Variants in MELTF observed in about 807,000 individuals in gnomAD.
The protein encoded by MELTF is antigen p97 (melanoma associated) identified by monoclonal antibodies 133.2 and 96.5.
MELTF carries 67 observed loss-of-function variants against 83.7 expected under a neutral mutation model. That is an observed-to-expected ratio of 0.80 (90% CI 0.66 to 0.98). MELTF has a LOEUF of 0.98. Ranked by LOEUF, MELTF falls within the 50% of genes least tolerant of loss-of-function variation. The probability of loss-of-function intolerance (pLI) is 0.00; values close to 1 mark genes in which losing one functional copy is unlikely to be tolerated. For synonymous variants in MELTF, 462 were observed against 447.6 expected, an observed-to-expected ratio of 1.03 and a Z score of -0.41; for missense variants, 1,002 against 1,035.6, an observed-to-expected ratio of 0.97 and a Z score of 0.44.
At chr3:197,015,068 C>T (rs1416336675) in intron 9 of MELTF, among the ~76,000 whole-genome samples, 1 of 152,234 alleles carries the variant, frequency 6.6e-6, no homozygotes, top group Non-Finnish European at 1.5e-5. Flanking sequence ...GCCAGCGCTT[C>T]TTCTGCTCCT....
At chr3:197,018,708 G>A (rs1273982682) in intron 6 of MELTF, among the ~76,000 whole-genome samples, 1 of 152,194 alleles carries the variant, frequency 6.6e-6, no homozygotes, top group Non-Finnish European at 1.5e-5. Flanking sequence ...GCCTCCCAAA[G>A]TGCTGGGATT....
intron 4 of MELTF, among the ~76,000 whole-genome samples, 159 bp from the exon 5 acceptor site, chr3:197,023,272 C>T (rs974642290): frequency 2.6e-5 from 4 of 152,208 alleles, no homozygotes; most frequent in African/African-American, 4.8e-5. Flanking sequence ...TGGACCCGAT[C>T]AGTGACCCCC....
chr3:197,015,103 C>G lies in MELTF; in HGVS notation c.1233+262G>C, dbSNP rs574403923. ...TGGCACCCCCACTTAGTGAGGAGCT[C>G]CCAGGCTCTCCAGGGGACTCACCCC... On this transcript the variant is annotated intron_variant, in intron 9 of 15. Coordinates refer to ENST00000296350, the MANE Select transcript of MELTF (RefSeq NM_005929.6). Among the ~76,000 whole-genome samples, 257 of 152,312 alleles carry G rather than the reference C, an allele frequency of 1.7e-3. 1 individual carries two copies. Among genetic ancestry groups the G allele is most frequent in the Non-Finnish European group, 2.4e-3 (166 of 68,014 alleles).
chr3:197,025,577 G>C (rs190816519), intron 3 of MELTF: 1 of 144,756 alleles, frequency 6.9e-6, no homozygotes, highest in Non-Finnish European at 1.6e-5. Context: ...TCTGCTCTGT[G>C]GGGGCAGGAA....
In MELTF at chr3:197,007,375, G is replaced by A. The variant is rs1286264837; in HGVS notation, c.1751-639C>T. The stretch of plus-strand genomic sequence containing the variant: ...CTGCCCTCAGGAATCACATTTTCAT[G>A]TCTCTGTGCATTCACTTAGTATCCA... On this transcript the variant is annotated intron_variant, in intron 13 of 15. Coordinates refer to ENST00000296350, the MANE Select transcript of MELTF (RefSeq NM_005929.6). The surrounding 1 kb of genome is among the most constrained non-coding windows in gnomAD (Gnocchi z 4.3). Among the ~76,000 whole-genome samples the A allele has an allele frequency of 6.6e-6, 1 of 152,232 alleles. No homozygotes were observed. Among genetic ancestry groups the A allele is most frequent in the Non-Finnish European group, 1.5e-5 (1 of 68,046 alleles).
chr3:197,016,515 C>G, intron 7 of MELTF, 146 bp from the exon 8 acceptor site: 1 of 664,548 alleles, frequency 1.5e-6, no homozygotes, highest in Non-Finnish European at 2.5e-6. Flanking sequence ...TCTTCTGCGG[C>G]GCCTCCCCTG....
At position 197,016,373 on chromosome 3, in the gene MELTF, T is replaced by C; in HGVS notation, c.901-4A>G. 6.3e-7 allele frequency: 1 copy of C among 1,579,252 alleles called. No individual in the cohort carries two copies. The highest frequency in any genetic ancestry group is 1.2e-5 in the South Asian group (1 of 84,644). On this transcript the variant is annotated splice_region_variant and splice_polypyrimidine_tract_variant and intron_variant, in intron 7 of 15. Transcript: ENST00000296350. ...TGCCCTCGTGGCTGAACAGACGCTGTGTGTCAAGGGGTGTGGTACAGGGTG... is the reference window on the plus strand; with the variant it reads ...TGCCCTCGTGGCTGAACAGACGCTGCGTGTCAAGGGGTGTGGTACAGGGTG...
chr3:197,021,092 A>G (rs1719605672), intron 6 of MELTF, among the ~76,000 whole-genome samples: 1 of 152,248 alleles, frequency 6.6e-6, no homozygotes, highest in African/African-American at 2.4e-5. Context: ...TGCTTAAAAA[A>G]TCAGACCCTC....
chr3:197,015,284 A>G, intron 9 of MELTF, 81 bp downstream of exon 9: 1 of 1,415,230 alleles, frequency 7.1e-7, no homozygotes, highest in Non-Finnish European at 9.6e-7. Context: ...CCCAGGCAGC[A>G]GGGGGTGTGG....
chr3:197,016,098 C>T (rs902341411), intron 8 of MELTF, 91 bp downstream of exon 8: 39 of 1,179,034 alleles, frequency 3.3e-5, no homozygotes, highest in African/African-American at 1.9e-4. Flanking sequence ...CCCTGGTGAG[C>T]GTCTTCCCCC....
chr3:197,003,339 G>A lies in MELTF; in HGVS notation c.*33C>T, dbSNP rs1338940822. ...AAGCCGCCGCGGAAACTCCCCGGGC[G>A]GGCATCGGAGCTCTGGGGCGGGGCG... On this transcript the variant is annotated 3_prime_UTR_variant, in exon 16 of 16. Coordinates refer to ENST00000296350, the MANE Select transcript of MELTF (RefSeq NM_005929.6). This position sits in a 1 kb window ranked among gnomAD's most constrained non-coding sequence, Gnocchi z 6.2. The A allele has an allele frequency of 2.8e-6, 3 of 1,063,470 alleles. No individual in the cohort carries two copies. The highest frequency in any genetic ancestry group is 4.4e-5 in the South Asian group (1 of 22,808). The allele number at this position is 1,063,470 out of a possible 1,614,324, so 65.9% of individuals were successfully genotyped here. A position where few individuals can be genotyped will look rare whatever the true frequency, so the allele number is the denominator to read the frequency against.
Position 197,015,331 on chromosome 3 carries a change from C to G in MELTF, c.1233+34G>C, listed in dbSNP as rs572023685. On this transcript the variant is annotated intron_variant, in intron 9 of 15. Coordinates refer to ENST00000296350, the MANE Select transcript of MELTF (RefSeq NM_005929.6). ...TGCCCAGGCACTGCCACCACCCGCC[C>G]ACCTGGCCCACGCTGCACCTGCGTG... 5.4e-5 allele frequency: 83 copies of G among 1,535,742 alleles called. No homozygotes were observed. The South Asian group carries it at 9.4e-4, about 17-fold the overall frequency.
rs1039343423 is a variant in MELTF, at chr3:197,024,247, G to A, written c.487+56C>T. ...CTACCCAGTGAAGGGACGAGCATGG[G>A]CCAAGGAAAGGAGGGGGAGGCCTGG... On this transcript the variant is annotated intron_variant, in intron 4 of 15. Coordinates refer to ENST00000296350, the MANE Select transcript of MELTF (RefSeq NM_005929.6). The surrounding 1 kb of genome is among the most constrained non-coding windows in gnomAD (Gnocchi z 5.3). 1.1e-5 allele frequency: 16 copies of A among 1,500,666 alleles called. No individual in the cohort carries two copies. The highest frequency in any genetic ancestry group is 7.9e-5 in the South Asian group (6 of 76,166). The allele number at this position is 1,500,666 out of a possible 1,614,324, so 93.0% of individuals were successfully genotyped here. A position where few individuals can be genotyped will look rare whatever the true frequency, so the allele number is the denominator to read the frequency against.
Position 197,015,494 on chromosome 3 carries a change from C to A in MELTF, c.1104G>T (p.Trp368Cys). ...GGATCTCGGGAGTGGAGAGCACACA[C>A]CAGCGCAGGTAGGGGGGCAGCCCTG... ...DPNRLPPYLRWCVLSTPEIQK... is the reference protein window; with the variant it reads ...DPNRLPPYLRCCVLSTPEIQK... Residue 368 changes from tryptophan (W) to cysteine (C), a missense_variant, in exon 9 of 16, where the codon TGG becomes TGT. Transcript: ENST00000296350. 1 of 1,611,956 alleles carries A rather than the reference C, an allele frequency of 6.2e-7. No individual in the cohort carries two copies. Among genetic ancestry groups the A allele is most frequent in the South Asian group, 1.1e-5 (1 of 90,696 alleles).
Position 197,004,012 on chromosome 3 carries a change from C to T in MELTF, c.2026G>A (p.Ala676Thr). ...YHGQDLLFKDATVRAVPVGEK... is the reference protein window; with the variant it reads ...YHGQDLLFKDTTVRAVPVGEK... ...CCGACAGGCACCGCCCGGACGGTGG[C>T]ATCCTTGAAAAGCAGGTCTTGGCCA... is the stretch of plus-strand genomic sequence containing the variant. Residue 676 changes from alanine (A) to threonine (T), a missense_variant, in exon 15 of 16, where the codon GCC (alanine) becomes ACC (threonine). By Grantham distance (58) the Ala-to-Thr change is moderately conservative. Coordinates refer to ENST00000296350, the MANE Select transcript of MELTF (RefSeq NM_005929.6). The T allele has an allele frequency of 1.9e-6, 3 of 1,614,206 alleles. No individual in the cohort carries two copies. Among genetic ancestry groups the T allele is most frequent in the Non-Finnish European group, 2.5e-6 (3 of 1,180,030 alleles).
Position 197,003,803 on chromosome 3 carries a change from C to A in MELTF, c.2137+98G>T. 5 of 1,346,392 alleles carry A rather than the reference C, an allele frequency of 3.7e-6. No individual in the cohort carries two copies. The highest frequency in any genetic ancestry group is 5.1e-6 in the Non-Finnish European group (5 of 980,648). 83.4% of individuals were successfully genotyped at this position (1,346,392 alleles called of 1,614,324 possible). A position where few individuals can be genotyped will look rare whatever the true frequency, so the allele number is the denominator to read the frequency against. ...GGACTGCTGCGAACGGGCCTCCACC[C>A]GCCTCCCCGGACCCGCAGCGCCCCC... On this transcript the variant is annotated intron_variant, in intron 15 of 15. Transcript: ENST00000296350. This position sits in a 1 kb window ranked among gnomAD's most constrained non-coding sequence, Gnocchi z 6.2.
chr3:197,019,632 C>A, intron 6 of MELTF: 1 of 1,611,474 alleles, frequency 6.2e-7, no homozygotes, highest in Non-Finnish European at 8.5e-7. Flanking sequence ...TACTCTTTGC[C>A]CGTTTTCCAA....
In MELTF at chr3:197,008,913, G is replaced by A; in HGVS notation, c.1578C>T (p.Asn526=). 1 of 1,614,164 alleles carries A rather than the reference G, an allele frequency of 6.2e-7. No individual in the cohort carries two copies. The highest frequency in any genetic ancestry group is 8.5e-7 in the Non-Finnish European group (1 of 1,179,996). ...ACAGTGCACACAGCGAGGAGGGGTA[G>A]TTCTTGGGGTTGTTCACGGGCACGC... ...ASCVPVNNPK[N]YPSSLCALCV... is the part of the protein sequence containing the mutation. The change falls in exon 12 of 16, where the codon AAC becomes AAT. Residue 526 remains asparagine, a synonymous_variant. Transcript: ENST00000296350. The surrounding 1 kb of genome is among the most constrained non-coding windows in gnomAD (Gnocchi z 5.4).
In MELTF at chr3:197,024,304, T is replaced by C. The variant is rs967193517; in HGVS notation, c.486A>G (p.Lys162=). 1 of 1,565,992 alleles carries C rather than the reference T, an allele frequency of 6.4e-7. No homozygotes were observed. The highest frequency in any genetic ancestry group is 8.7e-7 in the Non-Finnish European group (1 of 1,151,870). ...RLSVMGCDVL[K]AVSDYFGGSC... ...TCCTGCCCAGCCCAAAGCCCTCACC[T>C]TTGAGTACATCGCAGCCCATCACCG... is the stretch of plus-strand genomic sequence containing the variant. Residue 162 remains lysine, a splice_region_variant and synonymous_variant, in exon 4 of 16, where the codon AAA becomes AAG. Coordinates refer to ENST00000296350, the MANE Select transcript of MELTF (RefSeq NM_005929.6). The surrounding 1 kb of genome is among the most constrained non-coding windows in gnomAD (Gnocchi z 5.3).
Sources: gnomAD v4.1 joint callset for allele counts (sites outside exome capture counted in the v4.1 genomes callset) on GRCh38, gnomAD v4.1.1 for gene constraint, Gnocchi (gnomAD v3.1) non-coding constraint, MANE v1.5 for transcripts, NCBI Gene and HGNC (gene_info 2026-07-23, HGNC 2026-07-21) for gene names.